FAT4: variants seen among roughly 807,000 people sequenced by gnomAD.
FAT4 encodes the protein FAT atypical cadherin 4.
A neutral mutation model predicts 303.9 loss-of-function variants in FAT4; 84 were observed. That is an observed-to-expected ratio of 0.28 (90% CI 0.23 to 0.33). The LOEUF (loss-of-function observed/expected upper bound fraction) is 0.33, where lower values mean the gene tolerates loss of function less well. Ranked by LOEUF, FAT4 falls within the 10% of genes least tolerant of loss-of-function variation. FAT4 has a pLI of 1.00. For missense variants in FAT4, 6,005 were observed against 6,146.8 expected (o/e 0.98, Z 0.77); for synonymous variants, 2,307 against 2,298.8 (o/e 1.00, Z -0.10).
intron 5 of FAT4, among the ~76,000 whole-genome samples, chr4:125,411,698 C>T (rs1371570035): frequency 6.0e-5 from 9 of 148,984 alleles, no homozygotes; most frequent in Admixed American, 5.4e-4. Context: ...TGAAACTATA[C>T]ACCTATACTT....
At position 125,317,769 on chromosome 4, in the gene FAT4, A is replaced by T. The variant is rs6847454; in HGVS notation, c.1358A>T (p.Gln453Leu). ...NYGAPPGAAV[Q>L]ARSSVASLVI... ...GGGGCGCCCCCTGGCGCAGCAGTCC[A>T]GGCGCGCTCTTCTGTGGCAAGCCTG... The change falls in exon 2 of 18, where the codon CAG becomes CTG. Residue 453 changes from glutamine to leucine, a missense_variant. Physicochemically the swap from Gln to Leu is moderately radical, Grantham distance 113. Transcript: ENST00000394329. This position sits in a 1 kb window ranked among gnomAD's most constrained non-coding sequence, Gnocchi z 7.0. 707,540 of 1,613,882 alleles carry T rather than the reference A, an allele frequency of 0.44. 157,747 individuals carry two copies. The highest frequency in any genetic ancestry group is 0.57 in the African/African-American group (42,806 of 74,992).
At position 125,345,894 on chromosome 4, in the gene FAT4, T is replaced by G. The variant is rs536768324; in HGVS notation, c.5175+24308T>G. Among the ~76,000 whole-genome samples the G allele has an allele frequency of 3.3e-5, 5 of 152,232 alleles. No homozygotes were observed. The South Asian group carries it at 1.0e-3, about 32-fold the overall frequency. ...TCACAGTTCAGTTGAGCTGTTGTTA[T>G]CTGTATGAGATCAATCTTTTGGAGA... On this transcript the variant is annotated intron_variant, in intron 2 of 17. Coordinates refer to ENST00000394329, the MANE Select transcript of FAT4 (RefSeq NM_001291303.3).
chr4:125,419,196 T>G (rs1735187642), intron 7 of FAT4, among the ~76,000 whole-genome samples: 1 of 152,226 alleles, frequency 6.6e-6, no homozygotes, highest in South Asian at 2.1e-4. Flanking sequence ...TTCTAGCTAT[T>G]AATGTCAGTC....
intron 2 of FAT4, among the ~76,000 whole-genome samples, chr4:125,354,443 A>G (rs989645586): frequency 7.2e-5 from 11 of 151,776 alleles, no homozygotes; most frequent in Admixed American, 4.6e-4. Flanking sequence ...TGCTTACTCA[A>G]AAATGAATTG....
intron 7 of FAT4, among the ~76,000 whole-genome samples, chr4:125,428,970 G>A (rs567726505): frequency 1.1e-3 from 165 of 152,152 alleles, no homozygotes; most frequent in African/African-American, 3.8e-3. Context: ...ATCAATCCCA[G>A]GTGGAATTGA....
At chr4:125,425,109 A>T (rs2126036184) in intron 7 of FAT4, among the ~76,000 whole-genome samples, 1 of 152,356 alleles carries the variant, frequency 6.6e-6, no homozygotes, top group South Asian at 2.1e-4. Flanking sequence ...AGTCATAAAC[A>T]TTAGATGATA....
At position 125,388,908 on chromosome 4, in the gene FAT4, C is replaced by T. The variant is rs138851768; in HGVS notation, c.5176-9876C>T. On this transcript the variant is annotated intron_variant, in intron 2 of 17. Coordinates refer to ENST00000394329, the MANE Select transcript of FAT4 (RefSeq NM_001291303.3). ...TCTCCAAGCCTGCCTGTTATTCATA[C>T]ATATTTCTTCTTAGTAAGAAATGCA... 1.6e-4 allele frequency among the ~76,000 whole-genome samples: 24 copies of T among 152,272 alleles called. No individual in the cohort carries two copies. The East Asian group carries it at 3.5e-3, about 22-fold the overall frequency.
At chr4:125,422,107 G>A (rs1446528028) in intron 7 of FAT4, among the ~76,000 whole-genome samples, 2 of 151,892 alleles carry the variant, frequency 1.3e-5, no homozygotes, top group Non-Finnish European at 2.9e-5. Context: ...CAAATTAAGT[G>A]GAATCAGTAA....
chr4:125,448,464 C>T lies in FAT4; in HGVS notation c.7454C>T (p.Ser2485Phe), dbSNP rs2126056606. 1.3e-6 allele frequency: 2 copies of T among 1,594,136 alleles called. No individual in the cohort carries two copies. Among genetic ancestry groups the T allele is most frequent in the Admixed American group, 1.8e-5 (1 of 56,266 alleles). ...CTGCACACTTTCTCTTTTATAGGTT[C>T]CTTTGTCTTTGCGGTTACAGTCACA... ...THIPSPTLPG[S>F]FVFAVTVTDA... Residue 2485 changes from serine to phenylalanine, a missense_variant, in exon 10 of 18, where the codon TCC becomes TTC. Ser to Phe is a radical substitution (Grantham distance 155). Coordinates refer to ENST00000394329, the MANE Select transcript of FAT4 (RefSeq NM_001291303.3).
chr4:125,423,262 G>A (rs949413670), intron 7 of FAT4, among the ~76,000 whole-genome samples: 3 of 145,198 alleles, frequency 2.1e-5, no homozygotes, highest in African/African-American at 7.4e-5. Context: ...AGACCTTCTC[G>A]ACAGCCTCTC....
At position 125,315,036 on chromosome 4, in the gene FAT4, T is replaced by C. The variant is rs1405782313; in HGVS notation, c.-954T>C. 6.6e-6 allele frequency among the ~76,000 whole-genome samples: 1 copy of C among 152,012 alleles called. No homozygotes were observed. The highest frequency in any genetic ancestry group is 2.4e-5 in the African/African-American group (1 of 41,384). Reference sequence around the variant, plus strand: ...CTCGCGGTCTTCCCTCCCCCTCTGTTTGTGTTTCGGCGACGCGCTGTGTGT... The same window carrying C: ...CTCGCGGTCTTCCCTCCCCCTCTGTCTGTGTTTCGGCGACGCGCTGTGTGT... On this transcript the variant is annotated 5_prime_UTR_variant, in exon 1 of 18. Coordinates refer to ENST00000394329, the MANE Select transcript of FAT4 (RefSeq NM_001291303.3).
intron 13 of FAT4, among the ~76,000 whole-genome samples, chr4:125,476,717 C>T (rs1026259429): frequency 2.0e-5 from 3 of 152,134 alleles, no homozygotes; most frequent in East Asian, 1.9e-4. Context: ...TAAGTAGTCA[C>T]GCATCATGAT....
At chr4:125,445,193 T>A (rs1359856914) in intron 8 of FAT4, among the ~76,000 whole-genome samples, 1 of 152,128 alleles carries the variant, frequency 6.6e-6, no homozygotes, top group African/African-American at 2.4e-5. Context: ...TGTTTTGCTA[T>A]CATTTTATAA....
At chr4:125,336,564 T>C (rs1427902824) in intron 2 of FAT4, among the ~76,000 whole-genome samples, 1 of 152,038 alleles carries the variant, frequency 6.6e-6, no homozygotes, top group Non-Finnish European at 1.5e-5. Context: ...GACCTTTCTT[T>C]CATTTTAATA....
intron 2 of FAT4, among the ~76,000 whole-genome samples, chr4:125,372,766 C>G (rs1412918408): frequency 2.0e-5 from 3 of 152,134 alleles, no homozygotes; most frequent in South Asian, 4.1e-4. Context: ...ATATATGCTT[C>G]TATCCTTACA....
chr4:125,334,275 G>A (rs752029093), intron 2 of FAT4, among the ~76,000 whole-genome samples: 13 of 151,942 alleles, frequency 8.6e-5, no homozygotes, highest in Non-Finnish European at 1.2e-4. Flanking sequence ...ATGCAAATGC[G>A]GCTTCAAGAT....
intron 5 of FAT4, among the ~76,000 whole-genome samples, chr4:125,412,714 G>T (rs988000161): frequency 2.0e-5 from 3 of 151,716 alleles, no homozygotes; most frequent in African/African-American, 4.8e-5. Context: ...TGATTTAATT[G>T]CTCCCATTCC....
Position 125,481,600 on chromosome 4 carries a change from A to T in FAT4, c.12684A>T (p.Glu4228Asp), listed in dbSNP as rs1339771853. 1.2e-6 allele frequency: 2 copies of T among 1,613,946 alleles called. No homozygotes were observed. The highest frequency in any genetic ancestry group is 1.7e-6 in the Non-Finnish European group (2 of 1,179,950). ...DYHMSQNEKR[E>D]YLLRQSLRGA... ...ACATGAGTCAGAATGAGAAGCGGGAATATTTGTTAAGGCAAAGCTTACGAG... is the reference window on the plus strand; with the variant it reads ...ACATGAGTCAGAATGAGAAGCGGGATTATTTGTTAAGGCAAAGCTTACGAG... The change falls in exon 16 of 18, where the codon GAA (glutamate) becomes GAT (aspartate). Residue 4228 changes from glutamate (E) to aspartate (D), a missense_variant. By Grantham distance (45) the Glu-to-Asp change is conservative (BLOSUM62 2). Transcript: ENST00000394329.
intron 2 of FAT4, among the ~76,000 whole-genome samples, chr4:125,369,674 G>C (rs1269435601): frequency 6.6e-6 from 1 of 152,054 alleles, no homozygotes; most frequent in Non-Finnish European, 1.5e-5. Context: ...CTGAGTCATT[G>C]AATAATTTCA....
Sources: allele counts gnomAD v4.1 joint callset (sites outside exome capture counted in the v4.1 genomes callset), GRCh38; gene constraint gnomAD v4.1.1; non-coding constraint Gnocchi (gnomAD v3.1); transcripts MANE v1.5; gene names NCBI Gene and HGNC (gene_info 2026-07-23, HGNC 2026-07-21).